The following EPB41L3 variants were observed in gnomAD, a reference collection of about 807,000 sequenced individuals.
The protein encoded by EPB41L3 is erythrocyte membrane protein band 4.1 like 3.
Under a neutral mutation model 127.1 loss-of-function variants are expected in EPB41L3, and 57 were observed. The ratio of observed to expected loss-of-function variants is 0.45; its 90% confidence interval spans 0.36 to 0.56. EPB41L3 has a LOEUF of 0.56. Ranked by LOEUF, EPB41L3 falls within the 20% of genes least tolerant of loss-of-function variation. The pLI, the probability that EPB41L3 is intolerant of heterozygous loss-of-function variation, is 0.00. For synonymous variants in EPB41L3, 572 were observed against 549.5 expected (o/e 1.04, Z -0.57); for missense variants, 1,273 against 1,372.2 (o/e 0.93, Z 1.14).
chr18:5,544,111 C>T (rs1022072306), upstream of EPB41L3: 1 of 985,540 alleles, frequency 1.0e-6, no homozygotes, highest in Non-Finnish European at 1.2e-6. Context: ...GCCCAGAGAC[C>T]GTGCGAGGAA....
At chr18:5,536,831 C>CA (rs966853433) in intron 1 of EPB41L3, among the ~76,000 whole-genome samples, 1 of 151,804 alleles carries the variant, frequency 6.6e-6, no homozygotes, top group African/African-American at 2.4e-5. Flanking sequence ...ACTCTGTTCT[C>CA]AAAAAACAAA....
At chr18:5,440,735 G>A (rs1438230956) in intron 5 of EPB41L3, among the ~76,000 whole-genome samples, 1 of 152,062 alleles carries the variant, frequency 6.6e-6, no homozygotes, top group Non-Finnish European at 1.5e-5. Flanking sequence ...TCATAAAAGT[G>A]CGATATATGC....
chr18:5,424,456 TA>T (rs2077891089), intron 9 of EPB41L3, 97 bp from the exon 10 acceptor site: 1 of 963,164 alleles, frequency 1.0e-6, no homozygotes, highest in East Asian at 2.7e-5. Context: ...ACCAGAATTT[TA>T]AAAATTTACT....
At chr18:5,466,596 T>A (rs2085038426) in intron 3 of EPB41L3, among the ~76,000 whole-genome samples, 1 of 152,240 alleles carries the variant, frequency 6.6e-6, no homozygotes, top group Admixed American at 6.5e-5. Context: ...CTAGACTTTG[T>A]GTTCTCCTTC....
intron 3 of EPB41L3, among the ~76,000 whole-genome samples, chr18:5,611,858 C>T (rs2094729399): frequency 6.6e-6 from 1 of 152,124 alleles, no homozygotes; most frequent in Non-Finnish European, 1.5e-5. Context: ...ACTCGGGAAG[C>T]TGATGTGTGA....
intron 1 of EPB41L3, among the ~76,000 whole-genome samples, chr18:5,500,200 A>C (rs1460424555): frequency 1.3e-5 from 2 of 152,228 alleles, no homozygotes; most frequent in African/African-American, 4.8e-5. Context: ...CCTTTGCTAA[A>C]ATCAAAAGAG....
chr18:5,417,481 T>A (rs1425112188), intron 12 of EPB41L3, among the ~76,000 whole-genome samples: 1 of 152,182 alleles, frequency 6.6e-6, no homozygotes, highest in African/African-American at 2.4e-5. Context: ...CAGCAGCTGC[T>A]GCAGGCCGGG....
At chr18:5,416,934 C>A (rs867423225) in intron 12 of EPB41L3, among the ~76,000 whole-genome samples, 27 of 152,004 alleles carry the variant, frequency 1.8e-4, no homozygotes, top group African/African-American at 6.3e-4. Context: ...CATTCCAAAT[C>A]AAGAAGTTTC....
intron 3 of EPB41L3, among the ~76,000 whole-genome samples, chr18:5,549,740 A>AAG (rs2093937926): frequency 6.6e-6 from 1 of 152,152 alleles, no homozygotes. Context: ...GTGATTATAA[A>AAG]TCACACCAAA....
intron 1 of EPB41L3, among the ~76,000 whole-genome samples, chr18:5,516,200 C>T (rs2092744256): frequency 6.6e-6 from 1 of 152,212 alleles, no homozygotes; most frequent in Non-Finnish European, 1.5e-5. Context: ...TACGGATGTG[C>T]TCCTCCTGGG....
chr18:5,432,368 C>G (rs187830586), intron 8 of EPB41L3, among the ~76,000 whole-genome samples: 2 of 152,272 alleles, frequency 1.3e-5, no homozygotes, highest in East Asian at 3.9e-4. Context: ...TTCTGTGAGT[C>G]TCAGACCATG....
Position 5,543,941 on chromosome 18 carries a change from C to A in EPB41L3, c.-40G>T, listed in dbSNP as rs944645788. 1 of 985,604 alleles carries A rather than the reference C, an allele frequency of 1.0e-6. No homozygotes were observed. Among genetic ancestry groups the A allele is most frequent in the African/African-American group, 1.7e-5 (1 of 57,224 alleles). The allele number at this position is 985,604 out of a possible 1,614,324, so 61.1% of individuals were successfully genotyped here. On this transcript the variant is annotated 5_prime_UTR_variant, in exon 1 of 23. Coordinates refer to ENST00000341928, the MANE Select transcript of EPB41L3 (RefSeq NM_012307.5). The surrounding 1 kb of genome is among the most constrained non-coding windows in gnomAD (Gnocchi z 5.2). Reference sequence around the variant, plus strand: ...GGATCAGCAGGGAGCCCGGGCGCGCCGCGGCGTGGGGACTAGGCTCGGGCG... The same window carrying A: ...GGATCAGCAGGGAGCCCGGGCGCGCAGCGGCGTGGGGACTAGGCTCGGGCG...
chr18:5,484,716 G>A (rs535483150), intron 2 of EPB41L3, among the ~76,000 whole-genome samples: 1 of 151,770 alleles, frequency 6.6e-6, no homozygotes, highest in East Asian at 1.9e-4. Flanking sequence ...CAACTATATG[G>A]CAACAGATTG....
chr18:5,480,143 A>T (rs1014108820), intron 2 of EPB41L3: 1 of 152,202 alleles, frequency 6.6e-6, no homozygotes, highest in Non-Finnish European at 1.5e-5. Flanking sequence ...AAATATCTGT[A>T]TGAGAACAAG....
intron 16 of EPB41L3, among the ~76,000 whole-genome samples, chr18:5,405,294 A>G (rs2075186112): frequency 6.6e-6 from 1 of 152,240 alleles, no homozygotes; most frequent in African/African-American, 2.4e-5. Context: ...TTAATGTTCC[A>G]TTCTGTGTCA....
intron 3 of EPB41L3, among the ~76,000 whole-genome samples, chr18:5,447,364 G>A (rs1455452138): frequency 6.6e-6 from 1 of 151,176 alleles, no homozygotes; most frequent in Non-Finnish European, 1.5e-5. Context: ...TCCTGGTGGT[G>A]CCAATAAGCA....
chr18:5,481,698 T>G (rs901859985), intron 2 of EPB41L3, among the ~76,000 whole-genome samples: 3 of 152,196 alleles, frequency 2.0e-5, no homozygotes, highest in African/African-American at 7.2e-5. Context: ...AGAGTGGCTG[T>G]TCAGCAGCAC....
chr18:5,436,746 C>T (rs2079898398), intron 6 of EPB41L3, among the ~76,000 whole-genome samples: 1 of 152,046 alleles, frequency 6.6e-6, no homozygotes, highest in African/African-American at 2.4e-5. Flanking sequence ...TATATGTGGG[C>T]TCTAAAACCA....
At chr18:5,602,576 C>T (rs1240748662) in intron 3 of EPB41L3, among the ~76,000 whole-genome samples, 1 of 152,200 alleles carries the variant, frequency 6.6e-6, no homozygotes, top group African/African-American at 2.4e-5. Context: ...TCCTGAGTAG[C>T]TGGGACTACA....
Sources: allele counts gnomAD v4.1 joint callset (sites outside exome capture counted in the v4.1 genomes callset), GRCh38; gene constraint gnomAD v4.1.1; non-coding constraint Gnocchi (gnomAD v3.1); transcripts MANE v1.5; gene names NCBI Gene and HGNC (gene_info 2026-07-23, HGNC 2026-07-21).